The following C6 variants were observed in gnomAD, a reference collection of about 807,000 sequenced individuals.
C6 encodes the protein complement component C6.
Under a neutral mutation model 112.9 loss-of-function variants are expected in C6, and 101 were observed. The ratio of observed to expected loss-of-function variants is 0.89; its 90% CI spans 0.76 to 1.06. The LOEUF is 1.06. C6 is among the 50% of genes least tolerant of loss of function. C6 has a pLI of 0.00. For missense variants in C6, 1,202 were observed against 1,104.6 expected (o/e 1.09, Z -1.25); for synonymous variants, 431 against 384.1 (o/e 1.12, Z -1.43).
chr5:41,165,299 G>A (rs1240169621), intron 9 of C6, among the ~76,000 whole-genome samples: 1 of 152,084 alleles, frequency 6.6e-6, no homozygotes, highest in Non-Finnish European at 1.5e-5. Context: ...TATTAGTAGA[G>A]TTTCTAAGTC....
intron 1 of C6, among the ~76,000 whole-genome samples, chr5:41,240,101 A>G (rs1435377879): frequency 2.6e-5 from 4 of 152,116 alleles, no homozygotes; most frequent in African/African-American, 7.2e-5. Context: ...AGCTTCCTGT[A>G]TCTGGATTTC....
intron 1 of C6, among the ~76,000 whole-genome samples, chr5:41,230,253 TG>T (rs1415424564): frequency 6.6e-6 from 1 of 152,160 alleles, no homozygotes; most frequent in African/African-American, 2.4e-5. Flanking sequence ...TCTGACTGAC[TG>T]GGGGGTTGGG....
intron 17 of C6, 87 bp from the exon 18 acceptor site, chr5:41,143,093 C>T: frequency 8.3e-7 from 1 of 1,198,650 alleles, no homozygotes; most frequent in Non-Finnish European, 1.2e-6. Context: ...GTGGCGAGCT[C>T]CTTGATGGTG....
At position 41,158,728 on chromosome 5, in the gene C6, T is replaced by C; in HGVS notation, c.1914A>G (p.Ile638Met). Residue 638 changes from isoleucine (I) to methionine (M), a missense_variant, in exon 13 of 18, where the codon ATA becomes ATG. Coordinates refer to ENST00000337836, the MANE Select transcript of C6 (RefSeq NM_000065.5). Reference protein sequence around the residue: ...EEMKEVDLPEIEADSGCPQPV... With the variant: ...EEMKEVDLPEMEADSGCPQPV... The stretch of plus-strand genomic sequence containing the variant: ...GCTGAGGACACCCGGAATCTGCTTC[T>C]ATCTCAGGAAGATCGACCTCTTTCA... 1 of 1,611,884 alleles carries C rather than the reference T, an allele frequency of 6.2e-7. No homozygotes were observed. The highest frequency in any genetic ancestry group is 8.5e-7 in the Non-Finnish European group (1 of 1,178,092).
intron 17 of C6, among the ~76,000 whole-genome samples, chr5:41,148,212 A>G (rs1746028003): frequency 6.6e-6 from 1 of 152,206 alleles, no homozygotes; most frequent in Non-Finnish European, 1.5e-5. Flanking sequence ...TTAAATGCCT[A>G]ACCAGAGATT....
At chr5:41,230,260 T>G (rs549988734) in intron 1 of C6, among the ~76,000 whole-genome samples, 2 of 151,892 alleles carry the variant, frequency 1.3e-5, no homozygotes, top group South Asian at 4.2e-4. Context: ...GACTGGGGGG[T>G]TGGGCAGAAT....
chr5:41,250,313 C>G (rs1207313706), intron 1 of C6, among the ~76,000 whole-genome samples: 1 of 152,142 alleles, frequency 6.6e-6, no homozygotes, highest in Admixed American at 6.6e-5. Context: ...TCTCAGCTTT[C>G]CATCCTTTAA....
chr5:41,245,746 T>TA (rs145129806), intron 1 of C6, among the ~76,000 whole-genome samples: 1,523 of 152,282 alleles, frequency 0.01, 32 homozygotes, highest in African/African-American at 0.035. Context: ...GATTTTTTTT[T>TA]AAATCTTGAA....
chr5:41,176,089 A>G (rs1157394120), intron 8 of C6, among the ~76,000 whole-genome samples: 1 of 152,196 alleles, frequency 6.6e-6, no homozygotes, highest in Non-Finnish European at 1.5e-5. Context: ...TATATCCTAT[A>G]AAAATGTTAT....
At chr5:41,257,391 T>C (rs1428310833) in intron 1 of C6, among the ~76,000 whole-genome samples, 3 of 152,194 alleles carry the variant, frequency 2.0e-5, no homozygotes, top group Non-Finnish European at 4.4e-5. Context: ...GTGGTATATG[T>C]ATACCACATT....
chr5:41,185,047 T>C (rs1178043409), intron 6 of C6, among the ~76,000 whole-genome samples: 1 of 152,172 alleles, frequency 6.6e-6, no homozygotes, highest in African/African-American at 2.4e-5. Context: ...AACTTGTGGA[T>C]TGGTTGTTTT....
chr5:41,214,043 T>G (rs935065521), upstream of C6, among the ~76,000 whole-genome samples: 34 of 152,284 alleles, frequency 2.2e-4, no homozygotes, highest in South Asian at 1.9e-3. Flanking sequence ...ATGATTACGC[T>G]TCTCTGAAAT....
At chr5:41,209,267 C>T (rs570022737) in intron 1 of C6, among the ~76,000 whole-genome samples, 2 of 152,238 alleles carry the variant, frequency 1.3e-5, no homozygotes, top group South Asian at 4.1e-4. Context: ...CAGTATCATA[C>T]CGAATGAGTA....
chr5:41,193,634 A>G (rs1242544926), intron 5 of C6, among the ~76,000 whole-genome samples: 1 of 152,114 alleles, frequency 6.6e-6, no homozygotes, highest in Admixed American at 6.5e-5. Flanking sequence ...CTATACACAC[A>G]CTAAGCCTGG....
intron 1 of C6, among the ~76,000 whole-genome samples, chr5:41,222,684 G>T (rs10076584): frequency 0.12 from 17,586 of 152,092 alleles, 2,082 homozygotes; most frequent in African/African-American, 0.3. Flanking sequence ...TGATACCTTT[G>T]TGCATATAGC....
chr5:41,146,671 A>T (rs1246796165), intron 17 of C6, among the ~76,000 whole-genome samples: 2 of 152,186 alleles, frequency 1.3e-5, no homozygotes, highest in African/African-American at 2.4e-5. Flanking sequence ...AATTGCCTAA[A>T]TATATCTTCT....
intron 5 of C6, 125 bp downstream of exon 5, chr5:41,195,666 AG>A (rs1444476641): frequency 2.0e-6 from 2 of 996,314 alleles, no homozygotes; most frequent in Non-Finnish European, 3.2e-6. Context: ...TAAGTATCAG[AG>A]ATAGGGCTGG....
chr5:41,252,285 C>T (rs1741410320), intron 1 of C6, among the ~76,000 whole-genome samples: 1 of 152,170 alleles, frequency 6.6e-6, no homozygotes, highest in African/African-American at 2.4e-5. Flanking sequence ...AAATTCTTAG[C>T]CTTCCACCAG....
chr5:41,206,760 T>G (rs1323453596), intron 1 of C6, among the ~76,000 whole-genome samples: 1 of 152,202 alleles, frequency 6.6e-6, no homozygotes, highest in Non-Finnish European at 1.5e-5. Context: ...TTGGTGTACC[T>G]GAAAGTGACA....
Sources: gnomAD v4.1 joint callset for allele counts (sites outside exome capture counted in the v4.1 genomes callset) on GRCh38, gnomAD v4.1.1 for gene constraint, MANE v1.5 for transcripts, NCBI Gene and HGNC (gene_info 2026-07-23, HGNC 2026-07-21) for gene names.